Variants in EYS observed in about 807,000 individuals in gnomAD.
EYS encodes protein eyes shut homolog.
EYS carries 250 observed loss-of-function variants against 282.1 expected under a neutral mutation model. The ratio of observed to expected loss-of-function variants is 0.89; its 90% confidence interval spans 0.80 to 0.98. The LOEUF is 0.98. EYS is among the 50% of genes least tolerant of loss of function. The pLI is 0.00. For missense variants in EYS, 4,016 were observed against 3,709.0 expected, an observed-to-expected ratio of 1.08 and a Z score of -2.15; for synonymous variants, 1,355 against 1,282.9, an observed-to-expected ratio of 1.06 and a Z score of -1.20.
At chr6:64,347,697 C>G (rs1264823381) in intron 29 of EYS, among the ~76,000 whole-genome samples, 1 of 151,370 alleles carries the variant, frequency 6.6e-6, no homozygotes, top group East Asian at 2.0e-4. Context: ...CAAGCTCCAG[C>G]ACATTGGTTT....
chr6:65,563,850 C>T (rs2127347072), intron 2 of EYS, among the ~76,000 whole-genome samples: 1 of 152,188 alleles, frequency 6.6e-6, no homozygotes. Flanking sequence ...AAACATGTGG[C>T]AGATGACATG....
intron 41 of EYS, among the ~76,000 whole-genome samples, chr6:63,739,536 T>G (rs756863029): frequency 1.2e-4 from 19 of 152,272 alleles, no homozygotes; most frequent in Middle Eastern, 6.8e-3. Flanking sequence ...GACTTACCTT[T>G]GAACTCTCTG....
intron 41 of EYS, chr6:63,745,052 A>C (rs764952027): frequency 3.1e-5 from 13 of 420,920 alleles, no homozygotes; most frequent in African/African-American, 2.3e-4. Flanking sequence ...CAGATGCCAA[A>C]AAAGGTGAAA....
intron 29 of EYS, among the ~76,000 whole-genome samples, chr6:64,350,882 G>A (rs940376516): frequency 6.6e-6 from 1 of 151,378 alleles, no homozygotes; most frequent in Non-Finnish European, 1.5e-5. Context: ...CCCCCATGCT[G>A]TTCTTGTAAT....
chr6:64,630,743 CT>C (rs1767751785), intron 22 of EYS, among the ~76,000 whole-genome samples: 1 of 152,076 alleles, frequency 6.6e-6, no homozygotes, highest in Non-Finnish European at 1.5e-5. Context: ...AACTTTTACT[CT>C]TTGTTCCTTC....
chr6:65,342,264 T>C (rs1770226428), intron 10 of EYS, among the ~76,000 whole-genome samples: 2 of 151,110 alleles, frequency 1.3e-5, no homozygotes, highest in Admixed American at 1.3e-4. Context: ...AGAAATATTC[T>C]ATAATTATGT....
chr6:65,443,307 T>TATAGACATATATGCATACATGTGTGC (rs1768471201), intron 5 of EYS, among the ~76,000 whole-genome samples: 1 of 105,088 alleles, frequency 9.5e-6, no homozygotes, highest in African/African-American at 2.7e-5. Flanking sequence ...TACATGTGTG[T>TATAGACATATATGCATACATGTGTGC]ACACATATAG....
chr6:64,734,436 T>C (rs796526222), intron 22 of EYS, among the ~76,000 whole-genome samples: 6 of 152,286 alleles, frequency 3.9e-5, no homozygotes, highest in African/African-American at 1.4e-4. Flanking sequence ...CAACTTTTAG[T>C]TTGCAAGTGT....
intron 1 of EYS, among the ~76,000 whole-genome samples, chr6:65,671,088 G>T (rs186099489): frequency 6.6e-6 from 1 of 152,060 alleles, no homozygotes; most frequent in Non-Finnish European, 1.5e-5. Flanking sequence ...TTTATGCCAT[G>T]TTATATGTTA....
At chr6:64,199,255 A>G (rs1765391761) in intron 31 of EYS, among the ~76,000 whole-genome samples, 1 of 152,210 alleles carries the variant, frequency 6.6e-6, no homozygotes, top group African/African-American at 2.4e-5. Context: ...AATGTAACAG[A>G]ACAGTGGCCT....
At chr6:64,813,841 G>A (rs912347386) in intron 21 of EYS, among the ~76,000 whole-genome samples, 5 of 151,892 alleles carry the variant, frequency 3.3e-5, no homozygotes, top group Non-Finnish European at 7.4e-5. Flanking sequence ...TATCATGTCA[G>A]AGAACTGCCC....
At chr6:64,044,212 C>A (rs1281718598) in intron 33 of EYS, among the ~76,000 whole-genome samples, 1 of 152,230 alleles carries the variant, frequency 6.6e-6, no homozygotes, top group East Asian at 1.9e-4. Context: ...TTCTATCTTC[C>A]GTTTTATGCT....
chr6:65,026,237 C>T (rs1183293624), intron 13 of EYS, among the ~76,000 whole-genome samples: 1 of 152,100 alleles, frequency 6.6e-6, no homozygotes, highest in Non-Finnish European at 1.5e-5. Flanking sequence ...TATTATTAGG[C>T]AAACATAATT....
intron 36 of EYS, among the ~76,000 whole-genome samples, chr6:63,807,502 T>C (rs1770937451): frequency 6.6e-6 from 1 of 152,224 alleles, no homozygotes; most frequent in South Asian, 2.1e-4. Context: ...ATCTTTGTTT[T>C]ATATGACTAT....
At position 64,335,029 on chromosome 6, in the gene EYS, C is replaced by T. The variant is rs73764063; in HGVS notation, c.6079-27947G>A. On this transcript the variant is annotated intron_variant, in intron 29 of 42. Transcript: ENST00000503581. ...AATAGTAGACAGACATATCACCACC[C>T]GAATAATGGTTCTGCAAAAGTACCA... 3.7e-3 allele frequency among the ~76,000 whole-genome samples: 566 copies of T among 152,098 alleles called. 3 individuals carry two copies. The highest frequency in any genetic ancestry group is 0.013 in the African/African-American group (529 of 41,490).
intron 26 of EYS, among the ~76,000 whole-genome samples, chr6:64,470,593 G>T (rs1776093929): frequency 9.2e-5 from 14 of 151,974 alleles, no homozygotes; most frequent in Admixed American, 9.2e-4. Flanking sequence ...TATAGCTAAT[G>T]AGCTAAAAAA....
intron 12 of EYS, among the ~76,000 whole-genome samples, chr6:65,115,966 A>AATCTATCTATCTATCT (rs3036006): frequency 5.2e-4 from 76 of 144,960 alleles, no homozygotes; most frequent in South Asian, 1.3e-3. Flanking sequence ...CTGTCTATCT[A>AATCTATCTATCTATCT]ATCTATCTAT....
intron 2 of EYS, among the ~76,000 whole-genome samples, chr6:65,501,134 T>C (rs13193142): frequency 1.3e-5 from 2 of 151,750 alleles, no homozygotes; most frequent in Non-Finnish European, 2.9e-5. Flanking sequence ...ACAGTTTGTC[T>C]TCTGTGAAGT....
intron 11 of EYS, among the ~76,000 whole-genome samples, chr6:65,318,795 C>T (rs1397849937): frequency 2.0e-5 from 3 of 150,454 alleles, no homozygotes; most frequent in Non-Finnish European, 3.0e-5. Context: ...GCATGTGCCA[C>T]CATGCCTGGC....
Sources: gnomAD v4.1 joint callset for allele counts (sites outside exome capture counted in the v4.1 genomes callset) on GRCh38, gnomAD v4.1.1 for gene constraint, MANE v1.5 for transcripts, NCBI Gene and HGNC (gene_info 2026-07-23, HGNC 2026-07-21) for gene names.